Variants in REX1BD observed in about 807,000 individuals in gnomAD.
The protein encoded by REX1BD is required for excision 1-B domain-containing protein.
REX1BD carries 22 observed loss-of-function variants against 24.4 expected under a neutral mutation model. That is an observed-to-expected ratio of 0.90 (90% CI 0.64 to 1.29). The LOEUF is 1.29. Among genes scored for constraint, REX1BD ranks in the 50% most tolerant of loss-of-function variants. The probability of loss-of-function intolerance (pLI) is 0.00; values close to 1 mark genes in which losing one functional copy is unlikely to be tolerated. For synonymous variants in REX1BD, 146 were observed against 125.9 expected, an observed-to-expected ratio of 1.16 and a Z score of -1.07; for missense variants, 293 against 285.3, an observed-to-expected ratio of 1.03 and a Z score of -0.19.
chr19:18,589,076 G>A lies in REX1BD; in HGVS notation c.181G>A (p.Glu61Lys), dbSNP rs777313864. Residue 61 changes from glutamate (E) to lysine (K), a missense_variant and splice_region_variant, in exon 2 of 5, where the codon GAG becomes AAG. Physicochemically the swap from Glu to Lys is moderately conservative, Grantham distance 56. Coordinates refer to ENST00000358607, the MANE Select transcript of REX1BD (RefSeq NM_001100418.2). ...ERAQGFRRLE[E>K]WLAPVQGLRA... is the part of the protein sequence containing the mutation. ...CGCGCAGGGCTTCCGCCGACTGGAG[G>A]AGTGAGTGGGGGCGCGGAGGGGCTC... The A allele has an allele frequency of 1.4e-5, 21 of 1,509,082 alleles. No homozygotes were observed. The highest frequency in any genetic ancestry group is 1.8e-5 in the Non-Finnish European group (20 of 1,135,014). The allele number at this position is 1,509,082 out of a possible 1,614,324, so 93.5% of individuals were successfully genotyped here. A position where few individuals can be genotyped will look rare whatever the true frequency, so the allele number is the denominator to read the frequency against.
intron 3 of REX1BD, chr19:18,590,211 GGTGTTTTTTTTTTT>G (rs1976010600): frequency 1.4e-5 from 1 of 73,312 alleles, no homozygotes; most frequent in Admixed American, 1.6e-4. Flanking sequence ...TTTTCTTTCT[GGTGTTTTTTTTTTT>G]TTTTTTTTTT....
chr19:18,591,186 T>C, intron 4 of REX1BD: 1 of 420,962 alleles, frequency 2.4e-6, no homozygotes, highest in East Asian at 4.3e-5. Flanking sequence ...AGCTTGGACA[T>C]GCCCCACTGA....
In REX1BD at chr19:18,589,094, A is replaced by G; in HGVS notation, c.182+17A>G. The G allele has an allele frequency of 6.8e-7, 1 of 1,480,496 alleles. No individual in the cohort carries two copies. The highest frequency in any genetic ancestry group is 8.9e-7 in the Non-Finnish European group (1 of 1,122,824). 91.7% of individuals were successfully genotyped at this position (1,480,496 alleles called of 1,614,324 possible). On this transcript the variant is annotated intron_variant, in intron 2 of 4. Coordinates refer to ENST00000358607, the MANE Select transcript of REX1BD (RefSeq NM_001100418.2). ...ACTGGAGGAGTGAGTGGGGGCGCGG[A>G]GGGGCTCAGGGTTCGGTCCCCCGCC...
chr19:18,589,724 T>C, intron 3 of REX1BD, 41 bp downstream of exon 3: 1 of 1,438,806 alleles, frequency 7.0e-7, no homozygotes, highest in South Asian at 1.5e-5. Context: ...TCTAGGACCC[T>C]GGCCGGCTCC....
rs758224965 is a variant in REX1BD at position 18,592,201 on chromosome 19, G to A, written c.*21G>A. 17 of 1,613,834 alleles carry A rather than the reference G, an allele frequency of 1.1e-5. No individual in the cohort carries two copies. The highest frequency in any genetic ancestry group is 5.0e-5 in the Admixed American group (3 of 60,022). ...AGTGATGGCGGCTCCCCAGGGATGCGCCGAGGGAGATGGGAAACGGGGCGG... is the reference window on the plus strand; with the variant it reads ...AGTGATGGCGGCTCCCCAGGGATGCACCGAGGGAGATGGGAAACGGGGCGG... On this transcript the variant is annotated 3_prime_UTR_variant, in exon 5 of 5. Coordinates refer to ENST00000358607, the MANE Select transcript of REX1BD (RefSeq NM_001100418.2).
At position 18,589,546 on chromosome 19, in the gene REX1BD, G is replaced by A. The variant is rs1167977997; in HGVS notation, c.316G>A (p.Gly106Arg). 9 of 1,577,052 alleles carry A rather than the reference G, an allele frequency of 5.7e-6. 1 individual carries two copies. The African/African-American group carries it at 6.7e-5, about 12-fold the overall frequency. The change falls in exon 3 of 5, where the codon GGG (glycine) becomes AGG (arginine). Residue 106 changes from glycine (G) to arginine (R), a missense_variant. Physicochemically the swap from Gly to Arg is moderately radical, Grantham distance 125. Coordinates refer to ENST00000358607, the MANE Select transcript of REX1BD (RefSeq NM_001100418.2). ...DFARYRSTVH[G>R]VTQAFAAASR... ...CGCGCGCTACCGGAGCACAGTGCAC[G>A]GGGTGACCCAGGCCTTCGCCGCCGC...
intron 3 of REX1BD, 68 bp downstream of exon 3, chr19:18,589,751 T>A (rs1028863894): frequency 1.4e-6 from 2 of 1,430,074 alleles, no homozygotes; most frequent in African/African-American, 1.5e-5. Flanking sequence ...GACGCACCCC[T>A]GGTTGGGGGG....
chr19:18,590,589 G>T, intron 3 of REX1BD: 1 of 390,542 alleles, frequency 2.6e-6, no homozygotes, highest in Non-Finnish European at 4.7e-6. Context: ...CCACCCCTAC[G>T]GCCAATGCCT....
At chr19:18,589,803 C>A in intron 3 of REX1BD, 120 bp downstream of exon 3, 1 of 1,310,800 alleles carries the variant, frequency 7.6e-7, no homozygotes, top group Non-Finnish European at 1.0e-6. Context: ...CCTTCCTGTC[C>A]CACCCCAATC....
At chr19:18,590,827 C>T (rs976241448) in intron 3 of REX1BD, 27 bp from the exon 4 acceptor site, 2 of 1,588,950 alleles carry the variant, frequency 1.3e-6, no homozygotes, top group Non-Finnish European at 1.7e-6. Context: ...GTGGAGACAT[C>T]CTTCGTGTTG....
intron 3 of REX1BD, chr19:18,590,000 A>G (rs1241982383): frequency 2.8e-6 from 1 of 358,774 alleles, no homozygotes; most frequent in African/African-American, 2.1e-5. Context: ...TTCCGCGTCT[A>G]GGGTCCCACC....
intron 4 of REX1BD, 110 bp downstream of exon 4, chr19:18,591,043 A>C: frequency 2.9e-6 from 3 of 1,024,116 alleles, no homozygotes; most frequent in Non-Finnish European, 4.1e-6. Flanking sequence ...TGGTGTTCTC[A>C]CCTGGTGGCC....
Position 18,592,096 on chromosome 19 carries a change from C to G in REX1BD, c.534-12C>G. 1 of 1,613,970 alleles carries G rather than the reference C, an allele frequency of 6.2e-7. No homozygotes were observed. Among genetic ancestry groups the G allele is most frequent in the Non-Finnish European group, 8.5e-7 (1 of 1,179,978 alleles). Reference sequence around the variant, plus strand: ...TCTGGGTTTTATTTATAGTTCCCATCCGCTCTTGTAGGGTAATTAAAACCA... The same window carrying G: ...TCTGGGTTTTATTTATAGTTCCCATGCGCTCTTGTAGGGTAATTAAAACCA... On this transcript the variant is annotated splice_polypyrimidine_tract_variant and intron_variant, in intron 4 of 4. Coordinates refer to ENST00000358607, the MANE Select transcript of REX1BD (RefSeq NM_001100418.2).
At chr19:18,591,070 C>T (rs1425486121) in intron 4 of REX1BD, 137 bp downstream of exon 4, 3 of 737,594 alleles carry the variant, frequency 4.1e-6, no homozygotes, top group Non-Finnish European at 2.1e-6. Flanking sequence ...TGTACACTTC[C>T]CCAGAGGGCA....
chr19:18,589,858 C>T, intron 3 of REX1BD, 175 bp downstream of exon 3: 1 of 953,176 alleles, frequency 1.0e-6, no homozygotes, highest in Non-Finnish European at 1.4e-6. Flanking sequence ...TTGCCCTCTG[C>T]TGTTCATCCC....
At chr19:18,589,184 T>C (rs984739356) in intron 2 of REX1BD, 107 bp downstream of exon 2, 3 of 1,488,280 alleles carry the variant, frequency 2.0e-6, no homozygotes, top group African/African-American at 1.4e-5. Context: ...CTTGTGTGGC[T>C]GCAGAGTCAG....
intron 4 of REX1BD, 179 bp downstream of exon 4, chr19:18,591,112 G>A: frequency 1.7e-6 from 1 of 577,574 alleles, no homozygotes. Flanking sequence ...GTTTCGCTGT[G>A]CATTGCTGGG....
At chr19:18,591,232 GCACA>G (rs1194190657) in intron 4 of REX1BD, 1 of 319,976 alleles carries the variant, frequency 3.1e-6, no homozygotes, top group African/African-American at 2.2e-5. Flanking sequence ...CAGCCCCCAA[GCACA>G]CACACTCATG....
At chr19:18,591,964 C>T (rs1976051252) in intron 4 of REX1BD, 144 bp from the exon 5 acceptor site, 3 of 860,122 alleles carry the variant, frequency 3.5e-6, no homozygotes, top group Non-Finnish European at 5.6e-6. Context: ...TAAGTGTTCC[C>T]TCTTGCTGCT....
Sources: allele counts gnomAD v4.1 joint callset, GRCh38; gene constraint gnomAD v4.1.1; transcripts MANE v1.5; gene names NCBI Gene and HGNC (gene_info 2026-07-23, HGNC 2026-07-21).